The following ZFP14 variants were observed in gnomAD, a reference collection of about 807,000 sequenced individuals.
ZFP14 encodes the protein zinc finger protein 14 homolog.
ZFP14 carries 22 observed loss-of-function variants against 54.5 expected under a neutral mutation model. The ratio of observed to expected loss-of-function variants is 0.40; its 90% confidence interval spans 0.29 to 0.58. The LOEUF (loss-of-function observed/expected upper bound fraction) is 0.58, where lower values mean the gene tolerates loss of function less well. ZFP14 is among the 20% of genes least tolerant of loss of function. The probability of loss-of-function intolerance (pLI) is 0.39; values close to 1 mark genes in which losing one functional copy is unlikely to be tolerated. For synonymous variants in ZFP14, 159 were observed against 204.0 expected (o/e 0.78, Z 1.88); for missense variants, 470 against 637.8 (o/e 0.74, Z 2.83).
At chr19:36,376,939 C>T (rs1168221845) in intron 1 of ZFP14, among the ~76,000 whole-genome samples, 1 of 152,120 alleles carries the variant, frequency 6.6e-6, no homozygotes, top group Non-Finnish European at 1.5e-5. Context: ...ATAACCCATA[C>T]GACTGTCACT....
intron 2 of ZFP14, among the ~76,000 whole-genome samples, chr19:36,363,583 G>A (rs764954498): frequency 3.9e-5 from 6 of 152,104 alleles, no homozygotes; most frequent in African/African-American, 9.7e-5. Context: ...TGTCACAATC[G>A]GAGGAAAGGG....
intron 4 of ZFP14, among the ~76,000 whole-genome samples, chr19:36,345,650 T>C (rs1219321260): frequency 6.6e-6 from 1 of 152,106 alleles, no homozygotes; most frequent in African/African-American, 2.4e-5. Context: ...ACTGGTGAAA[T>C]GACCCAAAGA....
chr19:36,374,054 G>A (rs1446080745), intron 1 of ZFP14, among the ~76,000 whole-genome samples: 1 of 152,186 alleles, frequency 6.6e-6, no homozygotes. Context: ...GACTGATGAT[G>A]CCCTATAGTA....
Position 36,335,713 on chromosome 19 carries a change from T to C in ZFP14, c.*4511A>G, listed in dbSNP as rs1419000296. The C allele has an allele frequency of 6.6e-6, 1 of 152,164 alleles. No homozygotes were observed. 9.4% of individuals were successfully genotyped at this position (152,164 alleles called of 1,614,324 possible). On this transcript the variant is annotated 3_prime_UTR_variant, in exon 5 of 5. Coordinates refer to ENST00000270001, the MANE Select transcript of ZFP14 (RefSeq NM_020917.3). ...GAATGAATATACACGTTTGTGCATG[T>C]GTGCATGTATAGTTTTACCATATTA...
chr19:36,373,911 CAAA>C lies in ZFP14; in HGVS notation c.-80+5249_-80+5251del, dbSNP rs74174406. On this transcript the variant is annotated intron_variant, in intron 1 of 4. Coordinates refer to ENST00000270001, the MANE Select transcript of ZFP14 (RefSeq NM_020917.3). ...TGGGCAACAGAGTAAGACCCCATCTCAAAAAAAAAAAAAAAGAAAAAAATGAAA... is the reference window on the plus strand; with the variant it reads ...TGGGCAACAGAGTAAGACCCCATCTCAAAAAAAAAAAAGAAAAAAATGAAA... 5.4e-3 allele frequency among the ~76,000 whole-genome samples: 500 copies of C among 93,320 alleles called. 5 individuals carry two copies. Among genetic ancestry groups the C allele is most frequent in the African/African-American group, 0.021 (482 of 23,366 alleles). The allele number at this position is 93,320 out of a possible 152,430, so 61.2% of individuals were successfully genotyped here.
At chr19:36,361,267 T>A (rs552165961) in intron 3 of ZFP14, among the ~76,000 whole-genome samples, 1 of 152,192 alleles carries the variant, frequency 6.6e-6, no homozygotes, top group South Asian at 2.1e-4. Context: ...TGAGACAGAG[T>A]CTCACTCTGT....
At chr19:36,349,767 C>CTTTAA (rs2031493817) in intron 4 of ZFP14, among the ~76,000 whole-genome samples, 1 of 149,720 alleles carries the variant, frequency 6.7e-6, no homozygotes, top group Admixed American at 6.7e-5. Context: ...TAATGGACAG[C>CTTTAA]TTTAACAACA....
rs569817974 is a variant in ZFP14 at position 36,349,985 on chromosome 19, C to T, written c.236-8395G>A. Among the ~76,000 whole-genome samples, 86 of 140,216 alleles carry T rather than the reference C, an allele frequency of 6.1e-4. 7 individuals carry two copies. The highest frequency in any genetic ancestry group is 2.1e-3 in the African/African-American group (82 of 38,372). 92.0% of individuals were successfully genotyped at this position (140,216 alleles called of 152,430 possible). Reference sequence around the variant, plus strand: ...GACCAGCATGGCCAGCATGGTGAAACCCTGTCTCTACTAAAAATACACACA... The same window carrying T: ...GACCAGCATGGCCAGCATGGTGAAATCCTGTCTCTACTAAAAATACACACA... On this transcript the variant is annotated intron_variant, in intron 4 of 4. Transcript: ENST00000270001.
At chr19:36,362,768 G>C in intron 2 of ZFP14, 3 of 257,306 alleles carry the variant, frequency 1.2e-5, no homozygotes, top group Non-Finnish European at 2.3e-5. Flanking sequence ...GAGGTCTTGG[G>C]CTCTCTTTTC....
rs2031180839 is a variant in ZFP14 at position 36,335,703 on chromosome 19, T to A, written c.*4521A>T. ...ACTTGTACTGGAATGAATATACACG[T>A]TTGTGCATGTGTGCATGTATAGTTT... On this transcript the variant is annotated 3_prime_UTR_variant, in exon 5 of 5. Coordinates refer to ENST00000270001, the MANE Select transcript of ZFP14 (RefSeq NM_020917.3). 1 of 152,104 alleles carries A rather than the reference T, an allele frequency of 6.6e-6. No individual in the cohort carries two copies. Among genetic ancestry groups the A allele is most frequent in the Non-Finnish European group, 1.5e-5 (1 of 68,028 alleles). 9.4% of individuals were successfully genotyped at this position (152,104 alleles called of 1,614,324 possible).
At chr19:36,364,890 A>G (rs923810330) in intron 2 of ZFP14, among the ~76,000 whole-genome samples, 15 of 151,866 alleles carry the variant, frequency 9.9e-5, no homozygotes, top group African/African-American at 3.1e-4. Context: ...TGAAAATCAG[A>G]CATTCTAACG....
rs1462761289 is a variant in ZFP14 at position 36,339,310 on chromosome 19, T to TTGCAAGGAG, written c.*913_*914insCTCCTTGCA. 3 of 152,190 alleles carry TTGCAAGGAG rather than the reference T, an allele frequency of 2.0e-5. No homozygotes were observed. The highest frequency in any genetic ancestry group is 7.2e-5 in the African/African-American group (3 of 41,442). 9.4% of individuals were successfully genotyped at this position (152,190 alleles called of 1,614,324 possible). ...TGTGATTCCTCCAAGTATTAACTAC[T>TTGCAAGGAG]TACTCCTTGCAACAATCCTATTCCA... On this transcript the variant is annotated 3_prime_UTR_variant, in exon 5 of 5. Coordinates refer to ENST00000270001, the MANE Select transcript of ZFP14 (RefSeq NM_020917.3).
chr19:36,373,834 C>T (rs1428268375), intron 1 of ZFP14, among the ~76,000 whole-genome samples: 1 of 148,876 alleles, frequency 6.7e-6, no homozygotes, highest in East Asian at 2.0e-4. Flanking sequence ...ATGGCTTGAG[C>T]CTGGGAAGCA....
chr19:36,361,203 G>C (rs1183481926), intron 3 of ZFP14, among the ~76,000 whole-genome samples: 1 of 152,150 alleles, frequency 6.6e-6, no homozygotes, highest in Non-Finnish European at 1.5e-5. Context: ...AAAGTAGGTA[G>C]AACTGCATAT....
chr19:36,352,074 C>T (rs1178285027), intron 4 of ZFP14, among the ~76,000 whole-genome samples: 1 of 140,734 alleles, frequency 7.1e-6, no homozygotes, highest in South Asian at 2.3e-4. Flanking sequence ...GTCCCAGCTA[C>T]TCGGGAGGCT....
chr19:36,357,751 T>A, intron 4 of ZFP14, among the ~76,000 whole-genome samples: 1 of 150,480 alleles, frequency 6.6e-6, no homozygotes. Flanking sequence ...GTTTTTTGTT[T>A]TTTTTTTTGA....
intron 4 of ZFP14, among the ~76,000 whole-genome samples, chr19:36,344,997 TCA>T (rs2145542403): frequency 1.3e-5 from 2 of 152,344 alleles, no homozygotes; most frequent in African/African-American, 4.8e-5. Context: ...GCACTGTGGT[TCA>T]CACCTATAAT....
chr19:36,362,188 C>T lies in ZFP14; in HGVS notation c.60G>A (p.Trp20Ter), dbSNP rs780659086. 1.2e-6 allele frequency: 2 copies of T among 1,612,792 alleles called. No homozygotes were observed. Among genetic ancestry groups the T allele is most frequent in the African/African-American group, 2.7e-5 (2 of 74,854 alleles). ...DVAIDFSQEE[W>*]EFLDPAQRDL... is the part of the protein sequence containing the mutation. ...CCCTCTGAGCAGGATCCAGGAATTC[C>T]CATTCTTCCTGTGAGAAGTCTATGG... Residue 20 changes from tryptophan (W) to a stop codon, truncating the protein, a stop_gained, in exon 3 of 5, where the codon TGG (tryptophan) becomes TGA (stop). Transcript: ENST00000270001. LOFTEE classifies it high-confidence loss of function.
rs2031159176 is a variant in ZFP14, at chr19:36,334,706, G to A, written c.*5518C>T. 1 of 152,090 alleles carries A rather than the reference G, an allele frequency of 6.6e-6. No individual in the cohort carries two copies. Among genetic ancestry groups the A allele is most frequent in the Non-Finnish European group, 1.5e-5 (1 of 68,036 alleles). 9.4% of individuals were successfully genotyped at this position (152,090 alleles called of 1,614,324 possible). On this transcript the variant is annotated 3_prime_UTR_variant, in exon 5 of 5. Transcript: ENST00000270001. ...TCACCATATCTAAAATTACACCCTT[G>A]AAGACATTCATTGTGGTTATGGTAG...
Sources: gnomAD v4.1 joint callset for allele counts (sites outside exome capture counted in the v4.1 genomes callset) on GRCh38, gnomAD v4.1.1 for gene constraint, MANE v1.5 for transcripts, NCBI Gene and HGNC (gene_info 2026-07-23, HGNC 2026-07-21) for gene names.